Variants in AKAP9 observed in about 807,000 individuals in gnomAD.
The protein encoded by AKAP9 is A-kinase anchor protein 9.
Under a neutral mutation model 488.5 loss-of-function variants are expected in AKAP9, and 311 were observed. That is an observed-to-expected ratio of 0.64 (90% CI 0.58 to 0.70). The LOEUF is 0.70. AKAP9 is among the 30% of genes least tolerant of loss of function. The pLI, the probability that AKAP9 is intolerant of heterozygous loss-of-function variation, is 0.00. For missense variants in AKAP9, 4,215 were observed against 4,374.5 expected (o/e 0.96, Z 1.03); for synonymous variants, 1,462 against 1,483.5 (o/e 0.99, Z 0.33).
At chr7:92,043,373 A>T (rs1737218026) in intron 20 of AKAP9, 1 of 970,884 alleles carries the variant, frequency 1.0e-6, no homozygotes, top group African/African-American at 1.8e-5. Flanking sequence ...AACAAGAAAG[A>T]CAGTGTATGA....
rs1349885153 is a variant in AKAP9 at position 92,083,501 on chromosome 7, T to G, written c.8492T>G (p.Met2831Arg). 6.2e-7 allele frequency: 1 copy of G among 1,611,562 alleles called. No homozygotes were observed. The highest frequency in any genetic ancestry group is 8.5e-7 in the Non-Finnish European group (1 of 1,178,818). The stretch of plus-strand genomic sequence containing the variant: ...CAGTTTACTGAAAAAATTGAGAAGA[T>G]GCAAGAACTACATGCTGCTGAAATT... The part of the protein sequence containing the change: ...ISQFTEKIEK[M>R]QELHAAEILD... The change falls in exon 33 of 50, where the codon ATG (methionine) becomes AGG (arginine). Residue 2831 changes from methionine to arginine, a missense_variant. Transcript: ENST00000356239.
rs922529785 is a variant in AKAP9, at chr7:92,083,328, A to T, written c.8319A>T (p.Lys2773Asn). Residue 2773 changes from lysine to asparagine, a missense_variant, in exon 33 of 50, where the codon AAA (lysine) becomes AAT (asparagine). Coordinates refer to ENST00000356239, the MANE Select transcript of AKAP9 (RefSeq NM_005751.5). ...KACMFEPLPI[K>N]LSKSIASQTD... is the part of the protein sequence containing the mutation. ...GCATGTTTGAGCCACTTCCTATAAA[A>T]CTGAGTAAGAGCATTGCATCCCAGA... is the stretch of plus-strand genomic sequence containing the variant. The T allele has an allele frequency of 6.2e-7, 1 of 1,614,126 alleles. No individual in the cohort carries two copies. Among genetic ancestry groups the T allele is most frequent in the Non-Finnish European group, 8.5e-7 (1 of 1,180,024 alleles).
chr7:92,107,577 C>T (rs1563162019), intron 48 of AKAP9, 155 bp downstream of exon 48: 1 of 731,116 alleles, frequency 1.4e-6, no homozygotes, highest in Middle Eastern at 3.8e-4. Context: ...TGGCTCACAC[C>T]TATAATCCCA....
intron 31 of AKAP9, among the ~76,000 whole-genome samples, chr7:92,080,899 G>A (rs1360935490): frequency 2.6e-5 from 4 of 152,112 alleles, no homozygotes; most frequent in African/African-American, 7.2e-5. Context: ...GTTTGCTTAC[G>A]TACTCCTAAG....
chr7:92,087,256 A>G (rs1273632740), intron 37 of AKAP9, among the ~76,000 whole-genome samples: 1 of 152,226 alleles, frequency 6.6e-6, no homozygotes, highest in Non-Finnish European at 1.5e-5. Flanking sequence ...AACGAAGAAG[A>G]CGACGTCAAT....
intron 23 of AKAP9, 134 bp from the exon 24 acceptor site, chr7:92,062,140 T>G: frequency 1.3e-6 from 1 of 759,276 alleles, no homozygotes. Context: ...AGCAGCAAAT[T>G]CATTCAAGAC....
chr7:92,008,517 C>G (rs1260884749), intron 8 of AKAP9, among the ~76,000 whole-genome samples: 1 of 151,266 alleles, frequency 6.6e-6, no homozygotes, highest in Non-Finnish European at 1.5e-5. Context: ...GAAACCCCAT[C>G]TCTACTAAAA....
chr7:92,004,337 G>A (rs1356452151), intron 8 of AKAP9, among the ~76,000 whole-genome samples: 3 of 151,502 alleles, frequency 2.0e-5, no homozygotes, highest in Non-Finnish European at 4.4e-5. Flanking sequence ...CCAATTCTGT[G>A]AAGAAAGTCA....
Position 91,959,155 on chromosome 7 carries a change from G to T in AKAP9, c.49-14556G>T, listed in dbSNP as rs186143038. 2.4e-3 allele frequency among the ~76,000 whole-genome samples: 367 copies of T among 152,218 alleles called. 3 individuals are homozygous for T. Among genetic ancestry groups the T allele is most frequent in the African/African-American group, 8.4e-3 (350 of 41,534 alleles). On this transcript the variant is annotated intron_variant, in intron 1 of 49. Coordinates refer to ENST00000356239, the MANE Select transcript of AKAP9 (RefSeq NM_005751.5). ...CCACCTCAGCCTCTCAAAGTGCTAG[G>T]ATTACAGGCATGAGCCACCACACTG...
At chr7:91,972,181 T>TA (rs1210215047) in intron 1 of AKAP9, among the ~76,000 whole-genome samples, 1 of 152,216 alleles carries the variant, frequency 6.6e-6, no homozygotes, top group African/African-American at 2.4e-5. Context: ...ATGAACCTCT[T>TA]ACAGTGTGAT....
intron 5 of AKAP9, 136 bp downstream of exon 5, chr7:91,993,191 C>CT: frequency 1.1e-6 from 1 of 936,130 alleles, no homozygotes; most frequent in Non-Finnish European, 1.6e-6. Context: ...TCTTCTTCTT[C>CT]TTCTTTTTTT....
At chr7:91,946,888 C>T (rs928658833) in intron 1 of AKAP9, among the ~76,000 whole-genome samples, 2 of 152,084 alleles carry the variant, frequency 1.3e-5, no homozygotes, top group African/African-American at 4.8e-5. Flanking sequence ...TAAAAAGGTT[C>T]ATAGTAAAAG....
intron 8 of AKAP9, among the ~76,000 whole-genome samples, chr7:92,012,161 A>G (rs561480516): frequency 6.6e-6 from 1 of 152,322 alleles, no homozygotes; most frequent in East Asian, 1.9e-4. Context: ...TACGTTTAAA[A>G]TCTTTTAGAA....
intron 4 of AKAP9, 70 bp from the exon 5 acceptor site, chr7:91,992,815 C>A: frequency 6.9e-7 from 1 of 1,443,626 alleles, no homozygotes; most frequent in African/African-American, 1.4e-5. Context: ...CTATGGATTT[C>A]AGTATTTGAA....
chr7:92,000,633 CA>C (rs1318428084), intron 7 of AKAP9, among the ~76,000 whole-genome samples: 4 of 152,112 alleles, frequency 2.6e-5, no homozygotes, highest in African/African-American at 9.7e-5. Flanking sequence ...CTAAGAAGGC[CA>C]AAACTACTGT....
In AKAP9 at chr7:92,012,593, T is replaced by G; in HGVS notation, c.3483T>G (p.Leu1161=). 1 of 1,613,566 alleles carries G rather than the reference T, an allele frequency of 6.2e-7. No individual in the cohort carries two copies. Among genetic ancestry groups the G allele is most frequent in the Non-Finnish European group, 8.5e-7 (1 of 1,179,748 alleles). Residue 1161 remains leucine, a synonymous_variant, in exon 9 of 50, where the codon CTT becomes CTG. Transcript: ENST00000356239. ...IFAQEEKIKE[L]QKIHQLELQT... is the part of the protein sequence containing the mutation. ...CTCAAGAGGAAAAGATCAAGGAACT[T>G]CAGAAAATACACCAGTTAGAACTAC...
intron 5 of AKAP9, 103 bp from the exon 6 acceptor site, chr7:91,994,518 G>T (rs1483834432): frequency 4.7e-5 from 46 of 978,068 alleles, no homozygotes; most frequent in Non-Finnish European, 7.0e-5. Flanking sequence ...ATTACAAAGT[G>T]TAAGAATTAT....
Position 91,992,145 on chromosome 7 carries a change from T to C in AKAP9, c.352-13T>C, listed in dbSNP as rs1417781942. 1 of 1,594,460 alleles carries C rather than the reference T, an allele frequency of 6.3e-7. No homozygotes were observed. The highest frequency in any genetic ancestry group is 1.3e-5 in the African/African-American group (1 of 74,610). On this transcript the variant is annotated splice_polypyrimidine_tract_variant and intron_variant, in intron 3 of 49. Transcript: ENST00000356239. ...CTAAGATCATAATATATCAGGAAATTGTTTTTATACAGGTAAATGGTTGCA... is the reference window on the plus strand; with the variant it reads ...CTAAGATCATAATATATCAGGAAATCGTTTTTATACAGGTAAATGGTTGCA...
At chr7:91,962,848 C>G (rs1793888081) in intron 1 of AKAP9, among the ~76,000 whole-genome samples, 1 of 151,880 alleles carries the variant, frequency 6.6e-6, no homozygotes, top group African/African-American at 2.4e-5. Context: ...GTTTATGATG[C>G]AAAGTTTTAG....
Sources: gnomAD v4.1 joint callset for allele counts (sites outside exome capture counted in the v4.1 genomes callset) on GRCh38, gnomAD v4.1.1 for gene constraint, MANE v1.5 for transcripts, NCBI Gene and HGNC (gene_info 2026-07-23, HGNC 2026-07-21) for gene names.